Variants in GLI3 observed in about 807,000 individuals in gnomAD.
The protein encoded by GLI3 is GLI family zinc finger 3.
In GLI3, 20 loss-of-function variants were observed where a neutral mutation model predicts 100.8. The observed-to-expected ratio is 0.20, with a 90% CI of 0.14 to 0.29. The LOEUF (loss-of-function observed/expected upper bound fraction) is 0.29, where lower values mean the gene tolerates loss of function less well. Among genes scored for constraint, GLI3 ranks in the 10% least tolerant of loss-of-function variants. GLI3 has a pLI of 1.00. For missense variants in GLI3, 2,040 were observed against 2,128.5 expected (o/e 0.96, Z 0.82); for synonymous variants, 938 against 860.5 (o/e 1.09, Z -1.58).
At chr7:42,234,273 A>G (rs1788747085) in intron 1 of GLI3, among the ~76,000 whole-genome samples, 1 of 152,126 alleles carries the variant, frequency 6.6e-6, no homozygotes, top group African/African-American at 2.4e-5. Flanking sequence ...CCCAAACTCT[A>G]TCCTCAAAAA....
chr7:42,120,277 G>A (rs762545666), intron 3 of GLI3, among the ~76,000 whole-genome samples: 25 of 152,104 alleles, frequency 1.6e-4, no homozygotes, highest in Non-Finnish European at 2.9e-4. Flanking sequence ...AAATCTGCCC[G>A]AACTCTGATT....
intron 10 of GLI3, among the ~76,000 whole-genome samples, chr7:42,018,415 T>G (rs1788831215): frequency 6.6e-6 from 1 of 152,178 alleles, no homozygotes; most frequent in African/African-American, 2.4e-5. Flanking sequence ...TAAACTCAAT[T>G]TTCTCTTAGG....
chr7:42,192,039 G>GA (rs542281019), intron 2 of GLI3, among the ~76,000 whole-genome samples: 44,174 of 149,338 alleles, frequency 0.3, 6,636 homozygotes, highest in Non-Finnish European at 0.34. Context: ...TACAATCACA[G>GA]AAAAAAAAAA....
chr7:41,993,054 G>A (rs1266930322), intron 10 of GLI3, among the ~76,000 whole-genome samples: 2 of 152,146 alleles, frequency 1.3e-5, no homozygotes, highest in East Asian at 1.9e-4. Context: ...TTTTATCAAG[G>A]AGGCCTGCTG....
intron 1 of GLI3, among the ~76,000 whole-genome samples, chr7:42,254,302 C>T (rs911068953): frequency 6.6e-6 from 1 of 151,584 alleles, no homozygotes; most frequent in African/African-American, 2.4e-5. Flanking sequence ...TAGTTCACAG[C>T]CTGAAGCCCA....
In GLI3 at chr7:41,961,968, A is replaced by G. The variant is rs544434923; in HGVS notation, c.*2362T>C. On this transcript the variant is annotated 3_prime_UTR_variant, in exon 15 of 15. Transcript: ENST00000395925. ...CTAAAAGCAGTAGAAAGGAAAGCAA[A>G]TATAAAAAAAAAAAGAAATAAAAGA... 6.6e-6 allele frequency: 1 copy of G among 151,884 alleles called. No homozygotes were observed. The highest frequency in any genetic ancestry group is 1.5e-5 in the Non-Finnish European group (1 of 67,878). 9.4% of individuals were successfully genotyped at this position (151,884 alleles called of 1,614,324 possible).
intron 1 of GLI3, 92 bp from the exon 2 acceptor site, chr7:42,223,387 G>A (rs1788526275): frequency 4.2e-6 from 3 of 715,650 alleles, no homozygotes; most frequent in Non-Finnish European, 7.0e-6. Flanking sequence ...TCTGAGAAAA[G>A]CCTAGAGCTT....
At chr7:42,071,230 G>C in intron 4 of GLI3, among the ~76,000 whole-genome samples, 1 of 151,896 alleles carries the variant, frequency 6.6e-6, no homozygotes, top group South Asian at 2.1e-4. Context: ...GGGGCGGTGG[G>C]GAGTGTTTTA....
chr7:41,970,726 G>T (rs963690712), intron 13 of GLI3, among the ~76,000 whole-genome samples: 5 of 152,176 alleles, frequency 3.3e-5, no homozygotes, highest in Non-Finnish European at 5.9e-5. Flanking sequence ...TACACTAAAA[G>T]TAGAAGAGAT....
chr7:42,197,674 G>A (rs1323844922), intron 2 of GLI3, among the ~76,000 whole-genome samples: 1 of 152,198 alleles, frequency 6.6e-6, no homozygotes, highest in Non-Finnish European at 1.5e-5. Flanking sequence ...CTATGTTCCG[G>A]TCAGCGGGAG....
At chr7:42,140,856 C>T (rs1041159109) in intron 3 of GLI3, among the ~76,000 whole-genome samples, 1 of 151,786 alleles carries the variant, frequency 6.6e-6, no homozygotes. Flanking sequence ...ATTAAGAAAG[C>T]GGGAGGGAAA....
rs190395750 is a variant in GLI3, at chr7:42,061,011, A to C, written c.474-12315T>G. Among the ~76,000 whole-genome samples, 81 of 152,322 alleles carry C rather than the reference A, an allele frequency of 5.3e-4. No individual in the cohort carries two copies. The East Asian group carries it at 0.015, about 28-fold the overall frequency. ...TCATGTTTGTATCATTTACATGGAA[A>C]TCTCAACAATTCAAGGTAAACAGCT... On this transcript the variant is annotated intron_variant, in intron 4 of 14. Transcript: ENST00000395925.
chr7:42,063,063 T>C (rs1377483596), intron 4 of GLI3, among the ~76,000 whole-genome samples: 1 of 152,138 alleles, frequency 6.6e-6, no homozygotes. Context: ...AGCATAACCA[T>C]CACACAACAC....
chr7:42,005,864 T>G (rs1372490589), intron 10 of GLI3, among the ~76,000 whole-genome samples: 3 of 151,676 alleles, frequency 2.0e-5, no homozygotes, highest in Non-Finnish European at 4.4e-5. Context: ...GTGAGAGGAG[T>G]TGAGGAAGGG....
chr7:42,143,550 T>G (rs1434864788), intron 3 of GLI3, among the ~76,000 whole-genome samples: 1 of 152,088 alleles, frequency 6.6e-6, no homozygotes, highest in Non-Finnish European at 1.5e-5. Flanking sequence ...TCACCTAATA[T>G]AAAGACAGAC....
Position 41,975,713 on chromosome 7 carries a change from A to G in GLI3, c.1812+1845T>C, listed in dbSNP as rs111815813. 5.3e-4 allele frequency among the ~76,000 whole-genome samples: 81 copies of G among 152,328 alleles called. 1 individual carries two copies. The highest frequency in any genetic ancestry group is 1.9e-3 in the African/African-American group (78 of 41,580). On this transcript the variant is annotated intron_variant, in intron 12 of 14. Transcript: ENST00000395925. The stretch of plus-strand genomic sequence containing the variant: ...TTAAAGCAAACAGACATGTACAAAT[A>G]TTTTAGGTCCATAAAAAGACAAAAA...
intron 2 of GLI3, among the ~76,000 whole-genome samples, chr7:42,173,165 G>A (rs1181751128): frequency 6.6e-6 from 1 of 152,184 alleles, no homozygotes; most frequent in Non-Finnish European, 1.5e-5. Context: ...TGGCTGACTT[G>A]GAGAGATGCA....
At chr7:42,116,477 T>C (rs1254579607) in intron 3 of GLI3, among the ~76,000 whole-genome samples, 1 of 144,446 alleles carries the variant, frequency 6.9e-6, no homozygotes, top group Admixed American at 6.8e-5. Flanking sequence ...AAGTTTTAGA[T>C]CTGCAAAAAG....
At chr7:42,015,074 C>T (rs1335717768) in intron 10 of GLI3, among the ~76,000 whole-genome samples, 1 of 152,076 alleles carries the variant, frequency 6.6e-6, no homozygotes, top group African/African-American at 2.4e-5. Flanking sequence ...TCATTCTATC[C>T]TCATAAACAA....
Sources: gnomAD v4.1 joint callset for allele counts (sites outside exome capture counted in the v4.1 genomes callset) on GRCh38, gnomAD v4.1.1 for gene constraint, MANE v1.5 for transcripts, NCBI Gene and HGNC (gene_info 2026-07-23, HGNC 2026-07-21) for gene names.